Variants in DNAH3 observed in about 807,000 individuals in gnomAD.
DNAH3 encodes the protein dynein axonemal heavy chain 3, also known as axonemal beta dynein heavy chain 3.
A neutral mutation model predicts 432.5 loss-of-function variants in DNAH3; 332 were observed. The ratio of observed to expected loss-of-function variants is 0.77; its 90% CI spans 0.70 to 0.84. The LOEUF is 0.84. DNAH3 is among the 40% of genes least tolerant of loss of function. DNAH3 has a pLI of 0.00. For missense variants in DNAH3, 4,861 were observed against 5,114.0 expected (o/e 0.95, Z 1.51); for synonymous variants, 1,956 against 1,900.2 (o/e 1.03, Z -0.76).
Position 20,959,426 on chromosome 16 carries a change from G to C in DNAH3, c.10601-22C>G, listed in dbSNP as rs370752339. On this transcript the variant is annotated intron_variant, in intron 53 of 61. Coordinates refer to ENST00000261383, the Ensembl canonical transcript of DNAH3. ...AGGCCTGAGACCAGGAAGAAAGGAG[G>C]CTTTTGAAAGACGACAGGCCAGCTA... 1.4e-4 allele frequency: 224 copies of C among 1,603,512 alleles called. 1 individual carries two copies. Among genetic ancestry groups the C allele is most frequent in the Non-Finnish European group, 6.7e-5 (79 of 1,171,340 alleles).
intron 19 of DNAH3, among the ~76,000 whole-genome samples, chr16:21,083,933 A>G (rs2091278702): frequency 6.6e-6 from 1 of 151,982 alleles, no homozygotes; most frequent in South Asian, 2.1e-4. Context: ...GCTTCCATTT[A>G]GGGGCTCACT....
intron 49 of DNAH3, among the ~76,000 whole-genome samples, chr16:20,980,219 ATAT>A (rs869293488): frequency 4.6e-5 from 6 of 131,422 alleles, no homozygotes; most frequent in Admixed American, 7.9e-5. Context: ...TATATTATTT[ATAT>A]TATTTATTTA....
intron 20 of DNAH3, among the ~76,000 whole-genome samples, chr16:21,076,850 T>G (rs528326376): frequency 4.4e-4 from 67 of 152,296 alleles, no homozygotes; most frequent in Admixed American, 2.2e-3. Context: ...TATAACTCAA[T>G]TTGTTGCTTT....
chr16:20,952,213 T>C (rs755852899), intron 56 of DNAH3, among the ~76,000 whole-genome samples: 8 of 152,204 alleles, frequency 5.3e-5, no homozygotes, highest in Non-Finnish European at 8.8e-5. Context: ...TTTCTTCTTT[T>C]GGAGACTGTG....
intron 48 of DNAH3, among the ~76,000 whole-genome samples, chr16:20,984,161 A>ATATG (rs1555518797): frequency 2.0e-5 from 3 of 150,610 alleles, no homozygotes; most frequent in Admixed American, 1.3e-4. Context: ...CCTTATCCCA[A>ATATG]TGTGTGTGTG....
intron 49 of DNAH3, 27 bp from the exon 50 acceptor site, chr16:20,979,573 C>T (rs1434123623): frequency 2.5e-6 from 4 of 1,601,552 alleles, no homozygotes; most frequent in Middle Eastern, 1.7e-4. Flanking sequence ...GGCGGTTAGG[C>T]AGGACCCAAC....
At chr16:20,981,835 C>G (rs1023620560) in intron 49 of DNAH3, among the ~76,000 whole-genome samples, 6 of 151,832 alleles carry the variant, frequency 4.0e-5, no homozygotes, top group African/African-American at 1.4e-4. Flanking sequence ...GTTGACTGAT[C>G]TCTAGCCTTC....
At chr16:21,141,216 A>G in intron 4 of DNAH3, 84 bp downstream of exon 5, 1 of 909,414 alleles carries the variant, frequency 1.1e-6, no homozygotes, top group Non-Finnish European at 1.7e-6. Context: ...TGAAGCCAAG[A>G]AGCAGAGTGT....
intron 20 of DNAH3, among the ~76,000 whole-genome samples, chr16:21,075,874 C>T (rs1310331251): frequency 7.5e-6 from 1 of 133,804 alleles, no homozygotes; most frequent in African/African-American, 2.8e-5. Flanking sequence ...CGTGATTTCA[C>T]CACTGCACTC....
chr16:21,071,989 T>C lies in DNAH3; in HGVS notation c.3085-1163A>G, dbSNP rs951247799. 4.6e-5 allele frequency among the ~76,000 whole-genome samples: 7 copies of C among 152,136 alleles called. 1 individual carries two copies. In the South Asian group the frequency reaches 8.3e-4, roughly 18 times the overall value. ...GGCACCGCAGCCAACTCAGAGTGAA[T>C]GATTCTGGTTATTTAAAAATAAAAT... On this transcript the variant is annotated intron_variant, in intron 21 of 61. Transcript: ENST00000261383.
chr16:21,016,432 TA>T (rs1338092108), intron 41 of DNAH3, among the ~76,000 whole-genome samples: 5 of 152,248 alleles, frequency 3.3e-5, no homozygotes, highest in Admixed American at 6.5e-5. Flanking sequence ...TTTTATTGTA[TA>T]TTTTTTTCTT....
intron 18 of DNAH3, among the ~76,000 whole-genome samples, chr16:21,093,554 T>C (rs956588780): frequency 1.3e-4 from 20 of 152,244 alleles, no homozygotes; most frequent in East Asian, 3.8e-4. Flanking sequence ...CAGAGTTTTT[T>C]GGTATGTATA....
chr16:20,970,677 C>T (rs1012554119), intron 51 of DNAH3, among the ~76,000 whole-genome samples: 11 of 152,030 alleles, frequency 7.2e-5, no homozygotes, highest in African/African-American at 1.9e-4. Context: ...TGCAGTGTGA[C>T]GAAATGTAAT....
intron 41 of DNAH3, among the ~76,000 whole-genome samples, chr16:21,006,034 T>A (rs954980653): frequency 6.6e-6 from 1 of 152,172 alleles, no homozygotes; most frequent in African/African-American, 2.4e-5. Flanking sequence ...TGCATCTGTA[T>A]CTTTGTATAT....
intron 30 of DNAH3, 102 bp downstream of exon 30, chr16:21,049,808 G>T: frequency 7.6e-7 from 1 of 1,320,868 alleles, no homozygotes; most frequent in Non-Finnish European, 1.1e-6. Context: ...GGCCCATGCT[G>T]CCTGTTAATG....
intron 12 of DNAH3, among the ~76,000 whole-genome samples, chr16:21,113,797 C>A (rs2092126316): frequency 6.6e-6 from 1 of 152,140 alleles, no homozygotes; most frequent in African/African-American, 2.4e-5. Flanking sequence ...TCATTAACAC[C>A]TCATAGGATT....
chr16:20,968,927 G>A (rs2085187577), intron 52 of DNAH3, among the ~76,000 whole-genome samples: 1 of 151,654 alleles, frequency 6.6e-6, no homozygotes, highest in Admixed American at 6.6e-5. Flanking sequence ...CACTCCATGT[G>A]TCTCTGCATC....
chr16:20,936,906 C>T, intron 59 of DNAH3, 53 bp from the exon 60 acceptor site: 1 of 1,429,774 alleles, frequency 7.0e-7, no homozygotes. Flanking sequence ...CCACATTCTA[C>T]CCAAGTCCAC....
chr16:21,144,904 G>C (rs1305247834), intron 3 of DNAH3, among the ~76,000 whole-genome samples: 1 of 151,970 alleles, frequency 6.6e-6, no homozygotes, highest in East Asian at 1.9e-4. Context: ...GATCACCTGA[G>C]GTCAGGAGTT....
Sources: gnomAD v4.1 joint callset for allele counts (sites outside exome capture counted in the v4.1 genomes callset) on GRCh38, gnomAD v4.1.1 for gene constraint, MANE v1.5 for transcripts, NCBI Gene and HGNC (gene_info 2026-07-23, HGNC 2026-07-21) for gene names.